The following UBE3B variants were observed in gnomAD, a reference collection of about 807,000 sequenced individuals.
UBE3B encodes ubiquitin-protein ligase E3B.
UBE3B carries 80 observed loss-of-function variants against 132.3 expected under a neutral mutation model. The observed-to-expected ratio is 0.60, with a 90% CI of 0.50 to 0.73. The LOEUF is 0.73. UBE3B is among the 30% of genes least tolerant of loss of function. UBE3B has a pLI of 0.00. For missense variants in UBE3B, 1,196 were observed against 1,362.5 expected, an observed-to-expected ratio of 0.88 and a Z score of 1.92; for synonymous variants, 487 against 520.4, an observed-to-expected ratio of 0.94 and a Z score of 0.87.
intron 24 of UBE3B, among the ~76,000 whole-genome samples, chr12:109,526,636 G>T (rs1882363432): frequency 6.6e-6 from 1 of 152,128 alleles, no homozygotes. Flanking sequence ...ACTTTGTTAG[G>T]CCGAGGCGGG....
At chr12:109,515,192 C>T (rs1009237797) in intron 18 of UBE3B, among the ~76,000 whole-genome samples, 3 of 151,894 alleles carry the variant, frequency 2.0e-5, no homozygotes, top group Non-Finnish European at 2.9e-5. Context: ...GGATTACAGG[C>T]GTGAGCCACC....
At chr12:109,513,434 G>A (rs1429372959) in intron 18 of UBE3B, among the ~76,000 whole-genome samples, 1 of 152,126 alleles carries the variant, frequency 6.6e-6, no homozygotes, top group East Asian at 1.9e-4. Context: ...TTGCAAAGCT[G>A]GCTTGTAAGA....
chr12:109,478,001 A>G lies in UBE3B; in HGVS notation c.-236A>G. 6.6e-6 allele frequency: 1 copy of G among 152,570 alleles called. No individual in the cohort carries two copies. Among genetic ancestry groups the G allele is most frequent in the East Asian group, 1.9e-4 (1 of 5,212 alleles). 9.5% of individuals were successfully genotyped at this position (152,570 alleles called of 1,614,324 possible). On this transcript the variant is annotated 5_prime_UTR_variant, in exon 1 of 28. Transcript: ENST00000342494. ...GACGGTAGGCCTTTATAAACGGACT[A>G]ATGCTGGGTGATTTGTTCCTGTGGT...
intron 9 of UBE3B, among the ~76,000 whole-genome samples, chr12:109,497,017 T>A (rs942050772): frequency 1.2e-4 from 18 of 152,288 alleles, no homozygotes; most frequent in African/African-American, 4.3e-4. Context: ...ATAGTTTTAG[T>A]TATAAAACTA....
At chr12:109,530,410 T>C (rs976331469) in intron 25 of UBE3B, 137 bp from the exon 26 acceptor site, 2 of 701,154 alleles carry the variant, frequency 2.9e-6, no homozygotes, top group African/African-American at 3.6e-5. Context: ...AGGCATGAAC[T>C]TCTGGCTTTA....
the UBE3B span, among the ~76,000 whole-genome samples, chr12:109,542,469 G>C: frequency 7.2e-5 from 11 of 152,188 alleles, no homozygotes; most frequent in Admixed American, 2.6e-4. Flanking sequence ...CCGTCCTCAA[G>C]ATGGTGTATG....
At chr12:109,532,527 C>T (rs1419508859) in intron 26 of UBE3B, among the ~76,000 whole-genome samples, 1 of 152,180 alleles carries the variant, frequency 6.6e-6, no homozygotes, top group African/African-American at 2.4e-5. Context: ...AAGTGACAAG[C>T]CCCTGTATCC....
chr12:109,493,227 T>C (rs1877721205), intron 9 of UBE3B, among the ~76,000 whole-genome samples: 1 of 152,236 alleles, frequency 6.6e-6, no homozygotes, highest in Non-Finnish European at 1.5e-5. Flanking sequence ...CCAAGTCACC[T>C]TGTGGGGCAG....
intron 2 of UBE3B, among the ~76,000 whole-genome samples, chr12:109,482,318 C>T (rs1308588764): frequency 6.6e-6 from 1 of 152,108 alleles, no homozygotes; most frequent in African/African-American, 2.4e-5. Flanking sequence ...TTGTTCAATC[C>T]TTACCCCTGT....
In UBE3B at chr12:109,534,161, T is replaced by G. The variant is rs1883237869; in HGVS notation, c.3016-430T>G. On this transcript the variant is annotated intron_variant, in intron 27 of 27. Transcript: ENST00000342494. The surrounding 1 kb of genome is among the most constrained non-coding windows in gnomAD (Gnocchi z 5.2). Reference sequence around the variant, plus strand: ...CGTGATGCCACCTTGTACAGGAAGCTACACAGTCCTCGGCCTCCATGCTTA... The same window carrying G: ...CGTGATGCCACCTTGTACAGGAAGCGACACAGTCCTCGGCCTCCATGCTTA... The G allele has an allele frequency of 1.6e-6, 2 of 1,269,508 alleles. No individual in the cohort carries two copies. The allele number at this position is 1,269,508 out of a possible 1,614,324, so 78.6% of individuals were successfully genotyped here.
intron 14 of UBE3B, among the ~76,000 whole-genome samples, chr12:109,503,646 C>T (rs6606728): frequency 0.17 from 25,646 of 152,096 alleles, 2,198 homozygotes; most frequent in African/African-American, 0.18. Flanking sequence ...ACAAATTCTT[C>T]GAAAACCTTA....
In UBE3B at chr12:109,491,057, C is replaced by A. The variant is rs777925635; in HGVS notation, c.643C>A (p.Arg215Ser). The A allele has an allele frequency of 1.2e-6, 2 of 1,613,522 alleles. No individual in the cohort carries two copies. Among genetic ancestry groups the A allele is most frequent in the Admixed American group, 1.7e-5 (1 of 59,972 alleles). ...ACATTCTTTTCAGATATTGTTAACC[C>A]GTGGCCTGGCAAGACCCCGTCCTTG... Reference protein sequence around the residue: ...FYSVLQILLTRGLARPRPCLS... With the variant: ...FYSVLQILLTSGLARPRPCLS... The change falls in exon 9 of 28, where the codon CGT (arginine) becomes AGT (serine). Residue 215 changes from arginine to serine, a missense_variant. Transcript: ENST00000342494.
rs189297745 is a variant in UBE3B, at chr12:109,504,060, T to G, written c.1450+870T>G. On this transcript the variant is annotated intron_variant, in intron 14 of 27. Coordinates refer to ENST00000342494, the MANE Select transcript of UBE3B (RefSeq NM_130466.4). Reference sequence around the variant, plus strand: ...AGTGGGGAGACTGAAAATAAGCAAGTAAAAAGTAGGGCTCATGTAATGATG... The same window carrying G: ...AGTGGGGAGACTGAAAATAAGCAAGGAAAAAGTAGGGCTCATGTAATGATG... 2.0e-5 allele frequency among the ~76,000 whole-genome samples: 3 copies of G among 152,216 alleles called. No individual in the cohort carries two copies. The East Asian group carries it at 5.8e-4, about 29-fold the overall frequency.
In UBE3B at chr12:109,501,545, G is replaced by A. The variant is rs753701231; in HGVS notation, c.1282+11G>A. The A allele has an allele frequency of 3.7e-6, 6 of 1,611,796 alleles. No homozygotes were observed. The highest frequency in any genetic ancestry group is 3.3e-5 in the South Asian group (3 of 90,846). On this transcript the variant is annotated intron_variant, in intron 13 of 27. Coordinates refer to ENST00000342494, the MANE Select transcript of UBE3B (RefSeq NM_130466.4). Reference sequence around the variant, plus strand: ...TGCTCCCAGTGAAGAGTGAGTGACGGGAGCAGGCCCAACCCTGTAGCTCCA... The same window carrying A: ...TGCTCCCAGTGAAGAGTGAGTGACGAGAGCAGGCCCAACCCTGTAGCTCCA...
chr12:109,490,689 T>C (rs1008800193), intron 8 of UBE3B: 1 of 1,457,782 alleles, frequency 6.9e-7, no homozygotes, highest in Non-Finnish European at 9.0e-7. Flanking sequence ...TAGCTGTTTT[T>C]TTAACTTTAT....
In UBE3B at chr12:109,489,958, A is replaced by G. The variant is rs1364356672; in HGVS notation, c.584A>G (p.Asn195Ser). 5 of 1,614,078 alleles carry G rather than the reference A, an allele frequency of 3.1e-6. No homozygotes were observed. Among genetic ancestry groups the G allele is most frequent in the Non-Finnish European group, 4.2e-6 (5 of 1,180,048 alleles). The part of the protein sequence containing the change: ...LRPAMNHICA[N>S]IMGHLNQHGF... ...CCAGCGATGAACCACATTTGTGCAA[A>G]TATAATGGGACATCTCAACCAGCAT... Residue 195 changes from asparagine (N) to serine (S), a missense_variant, in exon 8 of 28, where the codon AAT (asparagine) becomes AGT (serine). Physicochemically the swap from Asn to Ser is conservative, Grantham distance 46. Transcript: ENST00000342494.
intron 1 of UBE3B, among the ~76,000 whole-genome samples, chr12:109,481,418 A>C (rs920344617): frequency 2.6e-5 from 4 of 152,198 alleles, no homozygotes; most frequent in African/African-American, 9.7e-5. Flanking sequence ...ATTCAACAAC[A>C]ACTTTGGGAT....
chr12:109,523,628 G>A (rs1881963802), intron 21 of UBE3B, among the ~76,000 whole-genome samples: 1 of 152,190 alleles, frequency 6.6e-6, no homozygotes, highest in Non-Finnish European at 1.5e-5. Context: ...TGAGAGCTTG[G>A]GGGTGCTGGT....
intron 26 of UBE3B, 124 bp downstream of exon 26, chr12:109,530,782 C>A: frequency 1.1e-6 from 1 of 950,050 alleles, no homozygotes; most frequent in South Asian, 1.6e-5. Context: ...TCAGCACATC[C>A]TCTCCCACAG....
Sources: allele counts gnomAD v4.1 joint callset (sites outside exome capture counted in the v4.1 genomes callset), GRCh38; gene constraint gnomAD v4.1.1; non-coding constraint Gnocchi (gnomAD v3.1); transcripts MANE v1.5; gene names NCBI Gene and HGNC (gene_info 2026-07-23, HGNC 2026-07-21).